Variants in PAFAH2 observed in about 807,000 individuals in gnomAD.
PAFAH2 encodes platelet-activating factor acetylhydrolase 2, cytoplasmic.
In PAFAH2, 42 loss-of-function variants were observed where a neutral mutation model predicts 49.0. The observed-to-expected ratio is 0.86, with a 90% CI of 0.67 to 1.11. PAFAH2 has a LOEUF of 1.11. PAFAH2 is among the 50% of genes least tolerant of loss of function. The probability of loss-of-function intolerance (pLI) is 0.00; values close to 1 mark genes in which losing one functional copy is unlikely to be tolerated. For missense variants in PAFAH2, 503 were observed against 501.8 expected (o/e 1.00, Z -0.02); for synonymous variants, 184 against 181.3 (o/e 1.01, Z -0.12).
At chr1:25,973,960 AAACT>A (rs1242928951) in intron 9 of PAFAH2, among the ~76,000 whole-genome samples, 1 of 152,172 alleles carries the variant, frequency 6.6e-6, no homozygotes, top group Non-Finnish European at 1.5e-5. Flanking sequence ...TCCCAAAAGA[AAACT>A]AACTGATAGT....
chr1:25,982,524 C>T, intron 6 of PAFAH2, 47 bp from the exon 7 acceptor site: 1 of 1,401,648 alleles, frequency 7.1e-7, no homozygotes, highest in Non-Finnish European at 1.0e-6. Context: ...CCACAACTGT[C>T]CAGCGAGAAT....
At chr1:25,966,764 A>T (rs898450027) in intron 10 of PAFAH2, among the ~76,000 whole-genome samples, 3 of 152,080 alleles carry the variant, frequency 2.0e-5, no homozygotes, top group Non-Finnish European at 2.9e-5. Context: ...TACCCCCTAC[A>T]TCTATACAAA....
At position 25,960,155 on chromosome 1, in the gene PAFAH2, C is replaced by T. The variant is rs2049318334; in HGVS notation, c.*1834G>A. On this transcript the variant is annotated 3_prime_UTR_variant, in exon 11 of 11. Coordinates refer to ENST00000374282, the MANE Select transcript of PAFAH2 (RefSeq NM_000437.4). ...TTTAGAGCCCAGGGCTTTAATGATACCCTTCTTATGCTATGTCTCATGGGA... is the reference window on the plus strand; with the variant it reads ...TTTAGAGCCCAGGGCTTTAATGATATCCTTCTTATGCTATGTCTCATGGGA... 1 of 152,178 alleles carries T rather than the reference C, an allele frequency of 6.6e-6. No homozygotes were observed. Among genetic ancestry groups the T allele is most frequent in the South Asian group, 2.1e-4 (1 of 4,830 alleles). 9.4% of individuals were successfully genotyped at this position (152,178 alleles called of 1,614,324 possible). A position where few individuals can be genotyped will look rare whatever the true frequency, so the allele number is the denominator to read the frequency against.
chr1:25,988,573 G>C (rs552868611), intron 3 of PAFAH2, among the ~76,000 whole-genome samples: 6 of 152,092 alleles, frequency 3.9e-5, no homozygotes, highest in African/African-American at 1.4e-4. Context: ...CCAGCACTTT[G>C]GCAGGCCAAG....
chr1:25,962,958 G>A (rs928629785), intron 10 of PAFAH2, among the ~76,000 whole-genome samples: 1 of 152,160 alleles, frequency 6.6e-6, no homozygotes, highest in African/African-American at 2.4e-5. Context: ...AGGAGCAAGA[G>A]GACAGCAACA....
intron 1 of PAFAH2, among the ~76,000 whole-genome samples, chr1:25,994,838 A>G (rs1393076406): frequency 2.0e-5 from 3 of 152,212 alleles, no homozygotes. Flanking sequence ...GTGCTCCTGG[A>G]AAGTTTCTGG....
At chr1:25,990,647 C>A in intron 2 of PAFAH2, 80 bp downstream of exon 2, 3 of 1,170,794 alleles carry the variant, frequency 2.6e-6, no homozygotes, top group Admixed American at 3.6e-5. Flanking sequence ...CGTGGGAATA[C>A]AGGATCAGAC....
chr1:25,964,758 A>T (rs984360575), intron 10 of PAFAH2, among the ~76,000 whole-genome samples: 1 of 152,250 alleles, frequency 6.6e-6, no homozygotes, highest in Admixed American at 6.5e-5. Context: ...GATGAAAGAA[A>T]TTGTAGATGA....
At chr1:25,984,383 A>C in intron 5 of PAFAH2, 77 bp downstream of exon 5, 1 of 1,102,636 alleles carries the variant, frequency 9.1e-7, no homozygotes, top group South Asian at 1.3e-5. Context: ...AGAGGGTTAG[A>C]AATAGTACAT....
chr1:25,992,298 G>A lies in PAFAH2; in HGVS notation c.-47-1435C>T, dbSNP rs571288436. 1.9e-4 allele frequency among the ~76,000 whole-genome samples: 29 copies of A among 152,224 alleles called. 1 individual carries two copies. In the South Asian group the frequency reaches 6.0e-3, roughly 32 times the overall value. ...AAAGATGAGGAAGTTGAGAGGCAGGGGAGGAGGAAGAAAGCACTTATAGAA... is the reference window on the plus strand; with the variant it reads ...AAAGATGAGGAAGTTGAGAGGCAGGAGAGGAGGAAGAAAGCACTTATAGAA... On this transcript the variant is annotated intron_variant, in intron 1 of 10. Transcript: ENST00000374282.
chr1:25,967,646 G>A (rs889725456), intron 10 of PAFAH2, among the ~76,000 whole-genome samples: 3 of 152,308 alleles, frequency 2.0e-5, no homozygotes, highest in Non-Finnish European at 4.4e-5. Flanking sequence ...GACAATAGCG[G>A]TTTTGATGGA....
Position 25,961,901 on chromosome 1 carries a change from T to C in PAFAH2, c.*88A>G. ...AATCTGTGAAAAGGGGTCACGTTGATCACTTCTTGATAGGAGCTCATGGGT... is the reference window on the plus strand; with the variant it reads ...AATCTGTGAAAAGGGGTCACGTTGACCACTTCTTGATAGGAGCTCATGGGT... On this transcript the variant is annotated 3_prime_UTR_variant, in exon 11 of 11. Coordinates refer to ENST00000374282, the MANE Select transcript of PAFAH2 (RefSeq NM_000437.4). The C allele has an allele frequency of 1.2e-6, 1 of 849,166 alleles. No homozygotes were observed. The highest frequency in any genetic ancestry group is 1.9e-6 in the Non-Finnish European group (1 of 513,540). The allele number at this position is 849,166 out of a possible 1,614,324, so 52.6% of individuals were successfully genotyped here. A position where few individuals can be genotyped will look rare whatever the true frequency, so the allele number is the denominator to read the frequency against.
At chr1:25,987,073 GTC>G (rs2049792138) in intron 4 of PAFAH2, among the ~76,000 whole-genome samples, 1 of 150,522 alleles carries the variant, frequency 6.6e-6, no homozygotes, top group African/African-American at 2.4e-5. Flanking sequence ...GTGAAGCCCT[GTC>G]TCTACAAAAA....
intron 10 of PAFAH2, among the ~76,000 whole-genome samples, chr1:25,970,853 A>G (rs989077901): frequency 9.2e-5 from 14 of 151,774 alleles, no homozygotes; most frequent in Non-Finnish European, 1.5e-4. Flanking sequence ...CTCCCAAAGT[A>G]GCTGGGATTA....
intron 6 of PAFAH2, 142 bp downstream of exon 6, chr1:25,983,804 C>T: frequency 1.1e-6 from 1 of 900,706 alleles, no homozygotes; most frequent in Non-Finnish European, 1.7e-6. Context: ...GATTAATATC[C>T]TATGTATTTC....
intron 10 of PAFAH2, among the ~76,000 whole-genome samples, chr1:25,963,226 A>C (rs1572336082): frequency 6.6e-6 from 1 of 152,222 alleles, no homozygotes; most frequent in Non-Finnish European, 1.5e-5. Context: ...TCAATGTATA[A>C]GTACTACATA....
At chr1:25,965,742 T>C (rs1345235755) in intron 10 of PAFAH2, among the ~76,000 whole-genome samples, 4 of 134,880 alleles carry the variant, frequency 3.0e-5, no homozygotes, top group Non-Finnish European at 6.1e-5. Context: ...CACTTGAACC[T>C]GGGGGGCAGA....
intron 6 of PAFAH2, among the ~76,000 whole-genome samples, chr1:25,983,194 C>T (rs1336254524): frequency 2.2e-4 from 34 of 151,910 alleles, no homozygotes; most frequent in Admixed American, 2.2e-3. Context: ...AGTTTGAGAC[C>T]AGCCTGGGCA....
At chr1:25,964,301 A>G (rs1229168679) in intron 10 of PAFAH2, 1 of 152,392 alleles carries the variant, frequency 6.6e-6, no homozygotes, top group East Asian at 1.9e-4. Flanking sequence ...CCATATTTTT[A>G]AAGAGAAATA....
Sources: gnomAD v4.1 joint callset for allele counts (sites outside exome capture counted in the v4.1 genomes callset) on GRCh38, gnomAD v4.1.1 for gene constraint, MANE v1.5 for transcripts, NCBI Gene and HGNC (gene_info 2026-07-23, HGNC 2026-07-21) for gene names.